GALNTL6: variants seen among roughly 807,000 people sequenced by gnomAD.
GALNTL6 encodes polypeptide N-acetylgalactosaminyltransferase-like 6.
In GALNTL6, 46 loss-of-function variants were observed where a neutral mutation model predicts 73.7. The ratio of observed to expected loss-of-function variants is 0.62; its 90% CI spans 0.49 to 0.80. The LOEUF (loss-of-function observed/expected upper bound fraction) is 0.80. GALNTL6 is among the 30% of genes least tolerant of loss of function. The probability of loss-of-function intolerance (pLI) is 0.00; values close to 1 mark genes in which losing one functional copy is unlikely to be tolerated. For missense variants in GALNTL6, 604 were observed against 755.0 expected (o/e 0.80, Z 2.34); for synonymous variants, 259 against 263.7 (o/e 0.98, Z 0.17).
Position 172,407,685 on chromosome 4 carries a change from G to A in GALNTL6, c.553+58996G>A, listed in dbSNP as rs559194678. ...CTTTATTTGATGATTCAGGCACAAG[G>A]TCCATTGAGTTTGTGGGCTGAATGA... On this transcript the variant is annotated intron_variant, in intron 5 of 12. Transcript: ENST00000506823. Among the ~76,000 whole-genome samples, 4 of 152,138 alleles carry A rather than the reference G, an allele frequency of 2.6e-5. No individual in the cohort carries two copies. The South Asian group carries it at 6.2e-4, about 24-fold the overall frequency.
chr4:172,250,092 C>A (rs773314129), intron 3 of GALNTL6, among the ~76,000 whole-genome samples: 4 of 152,116 alleles, frequency 2.6e-5, no homozygotes, highest in Admixed American at 6.5e-5. Context: ...GGGAGCTGTA[C>A]CCTGCAAAGC....
chr4:172,474,907 C>T (rs1271276125), intron 5 of GALNTL6, among the ~76,000 whole-genome samples: 3 of 152,060 alleles, frequency 2.0e-5, no homozygotes, highest in Admixed American at 6.6e-5. Context: ...AAACTTATTG[C>T]CTCTACCAAA....
At chr4:172,041,218 C>T (rs2110839829) in intron 2 of GALNTL6, among the ~76,000 whole-genome samples, 2 of 152,076 alleles carry the variant, frequency 1.3e-5, no homozygotes, top group African/African-American at 4.8e-5. Flanking sequence ...CTCACAATAG[C>T]AAGGAAAGTG....
intron 5 of GALNTL6, among the ~76,000 whole-genome samples, chr4:172,411,394 T>C (rs1043240949): frequency 7.2e-5 from 11 of 152,178 alleles, no homozygotes; most frequent in Admixed American, 5.9e-4. Context: ...GGTAATGCAA[T>C]TACTACATTA....
intron 5 of GALNTL6, among the ~76,000 whole-genome samples, chr4:172,740,993 C>G (rs76263300): frequency 0.013 from 2,010 of 152,138 alleles, 44 homozygotes; most frequent in African/African-American, 0.046. Flanking sequence ...CAGGAGCCTA[C>G]CCCTTTAATG....
chr4:172,456,512 C>A (rs1286933384), intron 5 of GALNTL6, among the ~76,000 whole-genome samples: 2 of 151,384 alleles, frequency 1.3e-5, no homozygotes, highest in Admixed American at 1.3e-4. Context: ...CATAAATGAC[C>A]TGATGGAGCT....
At chr4:171,822,297 T>C (rs576520) in intron 2 of GALNTL6, among the ~76,000 whole-genome samples, 152,169 of 152,288 alleles carry the variant, frequency 1, 76,026 homozygotes, top group Non-Finnish European at 1. Context: ...GCATTGTGCC[T>C]GTTCTTCTTA....
intron 5 of GALNTL6, among the ~76,000 whole-genome samples, chr4:172,584,466 G>T (rs1288470774): frequency 6.6e-6 from 1 of 152,206 alleles, no homozygotes; most frequent in Non-Finnish European, 1.5e-5. Context: ...ACATTGATTG[G>T]AATGGGCAAT....
chr4:171,983,816 C>A (rs1194067217), intron 2 of GALNTL6, among the ~76,000 whole-genome samples: 1 of 152,150 alleles, frequency 6.6e-6, no homozygotes, highest in Non-Finnish European at 1.5e-5. Context: ...CCCCTCCTAA[C>A]AACTGCTGCT....
At chr4:171,884,587 T>C (rs1325076291) in intron 2 of GALNTL6, among the ~76,000 whole-genome samples, 1 of 151,814 alleles carries the variant, frequency 6.6e-6, no homozygotes, top group African/African-American at 2.4e-5. Flanking sequence ...GTTGAAGATA[T>C]ACATATTCAT....
At chr4:172,496,552 A>G (rs1452207947) in intron 5 of GALNTL6, among the ~76,000 whole-genome samples, 2 of 152,006 alleles carry the variant, frequency 1.3e-5, no homozygotes, top group Non-Finnish European at 2.9e-5. Context: ...AAAATTAGGC[A>G]AACACCTGTA....
intron 5 of GALNTL6, among the ~76,000 whole-genome samples, chr4:172,486,114 A>C (rs1290495829): frequency 6.6e-6 from 1 of 152,238 alleles, no homozygotes; most frequent in African/African-American, 2.4e-5. Context: ...TTTTAGTCTA[A>C]TAGTAGACAC....
chr4:172,109,095 T>C (rs1732775604), intron 2 of GALNTL6, among the ~76,000 whole-genome samples: 1 of 152,018 alleles, frequency 6.6e-6, no homozygotes, highest in African/African-American at 2.4e-5. Flanking sequence ...CATTTAATTT[T>C]TTCAGGAAAT....
At chr4:172,704,753 T>C (rs954232279) in intron 5 of GALNTL6, among the ~76,000 whole-genome samples, 1 of 152,012 alleles carries the variant, frequency 6.6e-6, no homozygotes, top group Admixed American at 6.6e-5. Flanking sequence ...TTGATAATTT[T>C]CTTCTGGATG....
At chr4:172,112,020 A>G (rs1324746147) in intron 2 of GALNTL6, among the ~76,000 whole-genome samples, 1 of 152,076 alleles carries the variant, frequency 6.6e-6, no homozygotes, top group Non-Finnish European at 1.5e-5. Flanking sequence ...CTATTAAAGG[A>G]TGAGACTAAT....
chr4:172,370,845 G>A (rs1023894724), intron 5 of GALNTL6, among the ~76,000 whole-genome samples: 1 of 152,054 alleles, frequency 6.6e-6, no homozygotes, highest in African/African-American at 2.4e-5. Context: ...GTGTCTATTT[G>A]GGATTGTAGA....
chr4:172,087,266 AC>A (rs1161727901), intron 2 of GALNTL6, among the ~76,000 whole-genome samples: 4 of 151,646 alleles, frequency 2.6e-5, no homozygotes, highest in African/African-American at 9.7e-5. Flanking sequence ...ACAAGGTGAA[AC>A]CCCGTCTCTA....
At chr4:172,734,201 C>T (rs1283606392) in intron 5 of GALNTL6, among the ~76,000 whole-genome samples, 1 of 152,138 alleles carries the variant, frequency 6.6e-6, no homozygotes, top group Non-Finnish European at 1.5e-5. Context: ...TTCTAAGCAG[C>T]ATTGTGTTCA....
rs199967153 is a variant in GALNTL6, at chr4:172,171,248, CAT to C, written c.139-58407_139-58406del. 9.0e-3 allele frequency among the ~76,000 whole-genome samples: 1,363 copies of C among 152,206 alleles called. 23 individuals are homozygous for C. The highest frequency in any genetic ancestry group is 0.031 in the African/African-American group (1,301 of 41,522). On this transcript the variant is annotated intron_variant, in intron 2 of 12. Transcript: ENST00000506823. ...AGTGAAGGTTATGGCTGAATATTCA[CAT>C]GAGTGATTTTTTTTTCATTCTGCTT... is the stretch of plus-strand genomic sequence containing the variant.
Sources: allele counts gnomAD v4.1 joint callset (sites outside exome capture counted in the v4.1 genomes callset), GRCh38; gene constraint gnomAD v4.1.1; transcripts MANE v1.5; gene names NCBI Gene and HGNC (gene_info 2026-07-23, HGNC 2026-07-21).